DDX24: variants seen among roughly 807,000 people sequenced by gnomAD.
DDX24 encodes the protein DEAD-box helicase 24.
A neutral mutation model predicts 68.9 loss-of-function variants in DDX24; 24 were observed. That is an observed-to-expected ratio of 0.35 (90% CI 0.25 to 0.49). DDX24 has a LOEUF of 0.49. Ranked by LOEUF, DDX24 falls within the 20% of genes least tolerant of loss-of-function variation. The pLI, the probability that DDX24 is intolerant of heterozygous loss-of-function variation, is 0.99. For synonymous variants in DDX24, 395 were observed against 385.2 expected (o/e 1.03, Z -0.30); for missense variants, 989 against 1,039.0 (o/e 0.95, Z 0.66).
At chr14:94,069,294 A>G (rs943498268) in intron 2 of DDX24, among the ~76,000 whole-genome samples, 1 of 151,960 alleles carries the variant, frequency 6.6e-6, no homozygotes, top group African/African-American at 2.4e-5. Flanking sequence ...TGGAAAAAAA[A>G]CCCTCCTAGC....
chr14:94,052,890 C>T (rs920911104), intron 8 of DDX24, 108 bp downstream of exon 8: 6 of 1,445,474 alleles, frequency 4.2e-6, no homozygotes, highest in Admixed American at 4.6e-5. Context: ...GGGGGAAGGA[C>T]GCCTTGCTGA....
chr14:94,060,755 A>T, intron 4 of DDX24, 142 bp from the exon 5 acceptor site: 1 of 1,452,800 alleles, frequency 6.9e-7, no homozygotes. Context: ...GCCCTCAACT[A>T]ATCTCCCTCA....
chr14:94,079,425 A>G lies in DDX24; in HGVS notation c.318T>C (p.Asn106=), dbSNP rs1886012331. The G allele has an allele frequency of 6.2e-7, 1 of 1,613,890 alleles. No homozygotes were observed. Among genetic ancestry groups the G allele is most frequent in the South Asian group, 1.1e-5 (1 of 91,068 alleles). ...KKKIKLKKSK[N]VATEGTSTQK... is the part of the protein sequence containing the mutation. ...GGGTACTGGTTCCTTCAGTTGCTAC[A>G]TTTTTACTTTTCTTCAACTTGATCT... is the stretch of plus-strand genomic sequence containing the variant. The change falls in exon 2 of 9, where the codon AAT becomes AAC. Residue 106 remains asparagine, a synonymous_variant. Transcript: ENST00000621632.
chr14:94,071,494 C>CA (rs1885828252), intron 2 of DDX24, among the ~76,000 whole-genome samples: 2 of 152,014 alleles, frequency 1.3e-5, no homozygotes, highest in Admixed American at 1.3e-4. Context: ...ACTAAAAATA[C>CA]AAAAATTAGT....
At chr14:94,077,412 G>A (rs911569294) in intron 2 of DDX24, among the ~76,000 whole-genome samples, 2 of 152,230 alleles carry the variant, frequency 1.3e-5, no homozygotes, top group East Asian at 1.9e-4. Context: ...TGCCTTCCAC[G>A]GACTTACTTC....
At chr14:94,079,941 C>T (rs1041911875) in intron 1 of DDX24, among the ~76,000 whole-genome samples, 194 bp from the exon 2 acceptor site, 3 of 152,076 alleles carry the variant, frequency 2.0e-5, no homozygotes, top group African/African-American at 7.2e-5. Context: ...ACAGGGTACA[C>T]ATGTGATGGA....
In DDX24 at chr14:94,051,262, T is replaced by TCTG. The variant is rs1567056461; in HGVS notation, c.2506_2508dup (p.Gln836dup). The TCTG allele has an allele frequency of 6.2e-7, 1 of 1,600,292 alleles. No homozygotes were observed. The highest frequency in any genetic ancestry group is 8.5e-7 in the Non-Finnish European group (1 of 1,174,288). ...TTCGGCTTCTTTGTCTTCTTCTTCT[T>TCTG]CTGCTTGGAGAGACAGCTCAAAGCA... On this transcript the variant is annotated inframe_insertion, in exon 9 of 9. Transcript: ENST00000621632.
At position 94,079,709 on chromosome 14, in the gene DDX24, G is replaced by A. The variant is rs1446424528; in HGVS notation, c.34C>T (p.Gln12Ter). ...GTCTGAAATTTGCCACAGCTTGACT[G>A]CTTTGGCCTTGATTTTGTGTCCTTC... ...KLKDTKSRPK[Q>*]SSCGKFQTKG... The change falls in exon 2 of 9, where the codon CAG (glutamine) becomes TAG (stop). Residue 12 changes from glutamine (Q) to a stop codon, truncating the protein, a stop_gained. Coordinates refer to ENST00000621632, the MANE Select transcript of DDX24 (RefSeq NM_020414.4). LOFTEE classifies it high-confidence loss of function. The A allele has an allele frequency of 6.2e-7, 1 of 1,614,068 alleles. No individual in the cohort carries two copies. Among genetic ancestry groups the A allele is most frequent in the East Asian group, 2.2e-5 (1 of 44,884 alleles).
intron 2 of DDX24, among the ~76,000 whole-genome samples, chr14:94,069,155 T>C (rs1417134353): frequency 6.6e-6 from 1 of 151,802 alleles, no homozygotes; most frequent in Non-Finnish European, 1.5e-5. Flanking sequence ...AAAATCAAAA[T>C]AACCTCACTA....
At position 94,051,073 on chromosome 14, in the gene DDX24, AAG is replaced by A; in HGVS notation, c.*116_*117del. On this transcript the variant is annotated 3_prime_UTR_variant, in exon 9 of 9. Transcript: ENST00000621632. ...TCTCTCCCGCTATGGGTGTGAGTGGAAGAGAGGGAGACTTTTTTACCTGGGGT... is the reference window on the plus strand; with the variant it reads ...TCTCTCCCGCTATGGGTGTGAGTGGAAGAGGGAGACTTTTTTACCTGGGGT... The A allele has an allele frequency of 8.0e-7, 1 of 1,257,198 alleles. No individual in the cohort carries two copies. The highest frequency in any genetic ancestry group is 2.5e-5 in the East Asian group (1 of 39,924). The allele number at this position is 1,257,198 out of a possible 1,614,324, so 77.9% of individuals were successfully genotyped here. A position where few individuals can be genotyped will look rare whatever the true frequency, so the allele number is the denominator to read the frequency against.
Position 94,057,804 on chromosome 14 carries a change from A to G in DDX24, c.1989+18T>C. On this transcript the variant is annotated intron_variant, in intron 6 of 8. Transcript: ENST00000621632. ...ATTCAGTGCAGGCAGATGCCTATAA[A>G]TTTTCAGATGCCCCTACCTGGTAAT... The G allele has an allele frequency of 6.2e-7, 1 of 1,612,532 alleles. No homozygotes were observed. Among genetic ancestry groups the G allele is most frequent in the Non-Finnish European group, 8.5e-7 (1 of 1,179,424 alleles).
chr14:94,062,359 G>C lies in DDX24; in HGVS notation c.981C>G (p.Asp327Glu). The C allele has an allele frequency of 6.2e-7, 1 of 1,614,202 alleles. No homozygotes were observed. The change falls in exon 3 of 9, where the codon GAC becomes GAG. Residue 327 changes from aspartate (D) to glutamate (E), a missense_variant. This residue lies in a region of DDX24 where 691 missense variants were observed against 760.0 expected (regional missense o/e 0.91). Coordinates refer to ENST00000621632, the MANE Select transcript of DDX24 (RefSeq NM_020414.4). ...CATCGTCACCAAAGAGCAACGCCTG[G>C]TCTGAGACAGTGCCTCCAGTCTTGG... The part of the protein sequence containing the change: ...ARAKTGGTVS[D>E]QALLFGDDDA...
chr14:94,067,361 A>G (rs1885726488), intron 2 of DDX24, among the ~76,000 whole-genome samples: 1 of 152,136 alleles, frequency 6.6e-6, no homozygotes, highest in Non-Finnish European at 1.5e-5. Flanking sequence ...AAACCTAATA[A>G]TCGGTGTACC....
Position 94,062,103 on chromosome 14 carries a change from A to AAAG in DDX24, c.1236_1237insCTT (p.Arg412_Phe413insLeu). On this transcript the variant is annotated inframe_insertion, in exon 3 of 9. Coordinates refer to ENST00000621632, the MANE Select transcript of DDX24 (RefSeq NM_020414.4). ...AAATGGAACTAAACCTCACCTGTAAACCTGGCCACAGCATCAATGTGCTGT... is the reference window on the plus strand; with the variant it reads ...AAATGGAACTAAACCTCACCTGTAAAAAGCCTGGCCACAGCATCAATGTGCTGT... 1.2e-6 allele frequency: 2 copies of AAAG among 1,608,488 alleles called. No individual in the cohort carries two copies. The highest frequency in any genetic ancestry group is 1.7e-6 in the Non-Finnish European group (2 of 1,176,494).
At chr14:94,060,797 G>A (rs968583487) in intron 4 of DDX24, 116 bp downstream of exon 4, 2 of 1,503,262 alleles carry the variant, frequency 1.3e-6, no homozygotes, top group Non-Finnish European at 1.8e-6. Context: ...GCCAGGGTCT[G>A]GATGATACCA....
chr14:94,061,284 C>G (rs1167164252), intron 3 of DDX24, among the ~76,000 whole-genome samples: 1 of 152,120 alleles, frequency 6.6e-6, no homozygotes, highest in Admixed American at 6.5e-5. Flanking sequence ...AGCCTCATTT[C>G]TTTTCTACTC....
Position 94,053,072 on chromosome 14 carries a change from G to A in DDX24, c.2234C>T (p.Ala745Val). 6.2e-7 allele frequency: 1 copy of A among 1,614,230 alleles called. No individual in the cohort carries two copies. Among genetic ancestry groups the A allele is most frequent in the Non-Finnish European group, 8.5e-7 (1 of 1,180,034 alleles). ...CTCAATCCAAGAGTTGTGCAGGCAA[G>A]CCTGGAAGTTCCGATACTCAGATTT... is the stretch of plus-strand genomic sequence containing the variant. ...IEKSEYRNFQ[A>V]CLHNSWIEQA... is the part of the protein sequence containing the mutation. The change falls in exon 8 of 9, where the codon GCT (alanine) becomes GTT (valine). Residue 745 changes from alanine to valine, a missense_variant. Physicochemically the swap from Ala to Val is moderately conservative, Grantham distance 64 (BLOSUM62 0). This residue lies in a region of DDX24 where 691 missense variants were observed against 760.0 expected (regional missense o/e 0.91). Transcript: ENST00000621632.
chr14:94,079,563 G>C lies in DDX24; in HGVS notation c.180C>G (p.Ser60=). ...FEELTDYQLV[S]PAKNPSSLFS... ...AGAGACTGGAGGGATTCTTGGCAGG[G>C]GAGACCAACTGGTAATCTGTCAATT... is the stretch of plus-strand genomic sequence containing the variant. Residue 60 remains serine (S), a synonymous_variant, in exon 2 of 9, where the codon TCC becomes TCG. Coordinates refer to ENST00000621632, the MANE Select transcript of DDX24 (RefSeq NM_020414.4). 6.2e-7 allele frequency: 1 copy of C among 1,614,120 alleles called. No homozygotes were observed. The highest frequency in any genetic ancestry group is 8.5e-7 in the Non-Finnish European group (1 of 1,180,026).
intron 1 of DDX24, among the ~76,000 whole-genome samples, chr14:94,080,449 A>G (rs1170222233): frequency 6.6e-6 from 1 of 152,116 alleles, no homozygotes; most frequent in Non-Finnish European, 1.5e-5. Flanking sequence ...CGTGAAAAAG[A>G]CCAAGGTAAA....
Sources: allele counts gnomAD v4.1 joint callset (sites outside exome capture counted in the v4.1 genomes callset), GRCh38; gene constraint gnomAD v4.1.1; regional missense constraint gnomAD v4.1.1; transcripts MANE v1.5; gene names NCBI Gene and HGNC (gene_info 2026-07-23, HGNC 2026-07-21).